Variants in KAZN observed in about 807,000 individuals in gnomAD.
KAZN encodes the protein kazrin, periplakin interacting protein.
KAZN carries 40 observed loss-of-function variants against 87.4 expected under a neutral mutation model. The ratio of observed to expected loss-of-function variants is 0.46; its 90% CI spans 0.36 to 0.60. The LOEUF is 0.60. Ranked by LOEUF, KAZN falls within the 20% of genes least tolerant of loss-of-function variation. The pLI is 0.00. For missense variants in KAZN, 898 were observed against 1,073.9 expected (o/e 0.84, Z 2.29); for synonymous variants, 466 against 458.3 (o/e 1.02, Z -0.22).
chr1:14,863,657 C>T (rs555008058), intron 1 of KAZN, among the ~76,000 whole-genome samples: 1 of 152,294 alleles, frequency 6.6e-6, no homozygotes, highest in Admixed American at 6.5e-5. Context: ...AAAATACCAT[C>T]CAAATCCCGT....
Position 15,094,789 on chromosome 1 carries a change from C to T in KAZN, c.1429-26C>T. The T allele has an allele frequency of 6.6e-7, 1 of 1,524,186 alleles. No individual in the cohort carries two copies. Among genetic ancestry groups the T allele is most frequent in the Non-Finnish European group, 8.9e-7 (1 of 1,124,140 alleles). The allele number at this position is 1,524,186 out of a possible 1,614,324, so 94.4% of individuals were successfully genotyped here. ...CCCCGCCGGCAGCTGTCCCAGCCCC[C>T]ATATGACACTCCCTCCCGGGGGCAG... On this transcript the variant is annotated intron_variant, in intron 9 of 14. Coordinates refer to ENST00000376030, the MANE Select transcript of KAZN (RefSeq NM_201628.3). This position sits in a 1 kb window ranked among gnomAD's most constrained non-coding sequence, Gnocchi z 4.5.
chr1:13,896,047 A>G (rs1639030520), intron 1 of KAZN, among the ~76,000 whole-genome samples: 3 of 151,828 alleles, frequency 2.0e-5, no homozygotes, highest in Non-Finnish European at 4.4e-5. Context: ...GCTACAGTGC[A>G]GTGGCATGAT....
intron 1 of KAZN, among the ~76,000 whole-genome samples, chr1:14,699,916 ACT>A (rs559642758): frequency 9.2e-4 from 140 of 152,272 alleles, no homozygotes; most frequent in African/African-American, 3.2e-3. Context: ...TTGGCCCGAC[ACT>A]CACTAGAGTG....
intron 1 of KAZN, among the ~76,000 whole-genome samples, chr1:14,915,491 G>C (rs970199285): frequency 6.6e-6 from 1 of 152,146 alleles, no homozygotes; most frequent in Admixed American, 6.5e-5. Flanking sequence ...ACGATTCCCA[G>C]AGCCAAGGGT....
At chr1:14,399,776 A>T (rs1040475910) in intron 2 of KAZN, among the ~76,000 whole-genome samples, 1 of 151,834 alleles carries the variant, frequency 6.6e-6, no homozygotes, top group Non-Finnish European at 1.5e-5. Flanking sequence ...GCTCGATGCC[A>T]TCTCTCAGGA....
At chr1:14,531,194 A>G (rs1416162910) in intron 2 of KAZN, among the ~76,000 whole-genome samples, 3 of 152,202 alleles carry the variant, frequency 2.0e-5, no homozygotes, top group African/African-American at 7.2e-5. Context: ...TACAGAGCCC[A>G]AGACTCAGCT....
chr1:14,374,269 A>G (rs746854980), intron 2 of KAZN, among the ~76,000 whole-genome samples: 4 of 152,196 alleles, frequency 2.6e-5, no homozygotes, highest in African/African-American at 4.8e-5. Flanking sequence ...CCAGGCAGTT[A>G]TGACAGCACT....
At chr1:14,552,262 A>T (rs1673578492) in intron 2 of KAZN, among the ~76,000 whole-genome samples, 1 of 152,118 alleles carries the variant, frequency 6.6e-6, no homozygotes, top group Non-Finnish European at 1.5e-5. Flanking sequence ...GAAGGAAGAG[A>T]TCTTGAGCGG....
chr1:15,099,639 G>T lies in KAZN; in HGVS notation c.1548-1904G>T, dbSNP rs983762582. 6.6e-6 allele frequency among the ~76,000 whole-genome samples: 1 copy of T among 152,186 alleles called. No homozygotes were observed. Among genetic ancestry groups the T allele is most frequent in the African/African-American group, 2.4e-5 (1 of 41,436 alleles). On this transcript the variant is annotated intron_variant, in intron 10 of 14. Coordinates refer to ENST00000376030, the MANE Select transcript of KAZN (RefSeq NM_201628.3). The surrounding 1 kb of genome is among the most constrained non-coding windows in gnomAD (Gnocchi z 5.4). ...GGAGGGGAAGTCAGCCAGGGCCAGT[G>T]CAGGTGACCCTTGTGGACCATTCAA...
At chr1:14,573,856 T>A (rs1188769658) in intron 2 of KAZN, among the ~76,000 whole-genome samples, 3 of 152,032 alleles carry the variant, frequency 2.0e-5, no homozygotes, top group Admixed American at 2.0e-4. Context: ...GGCATATGAA[T>A]AGTACCTGAA....
chr1:13,927,920 A>C (rs1220514503), intron 1 of KAZN, among the ~76,000 whole-genome samples: 1 of 152,178 alleles, frequency 6.6e-6, no homozygotes, highest in Non-Finnish European at 1.5e-5. Context: ...CATCCCAGGC[A>C]GGGGCAGGGC....
chr1:14,749,202 G>A (rs1475398434), intron 1 of KAZN, among the ~76,000 whole-genome samples: 4 of 152,122 alleles, frequency 2.6e-5, no homozygotes, highest in African/African-American at 9.7e-5. Context: ...TTCAGCCTCA[G>A]ACTCCTTCTC....
At chr1:13,908,724 G>A (rs1018588222) in intron 1 of KAZN, among the ~76,000 whole-genome samples, 8 of 152,192 alleles carry the variant, frequency 5.3e-5, no homozygotes, top group African/African-American at 1.7e-4. Flanking sequence ...GGTGGGGCCT[G>A]TACTTCCCTT....
intron 2 of KAZN, among the ~76,000 whole-genome samples, chr1:14,411,864 G>A (rs973613277): frequency 3.9e-5 from 6 of 152,190 alleles, no homozygotes; most frequent in African/African-American, 1.4e-4. Context: ...AAAAGTTCTG[G>A]TCTTTGTATT....
At chr1:14,095,826 G>A (rs1644115085) in intron 1 of KAZN, among the ~76,000 whole-genome samples, 1 of 152,098 alleles carries the variant, frequency 6.6e-6, no homozygotes, top group South Asian at 2.1e-4. Context: ...TGAAAATCAT[G>A]TTACTTATGC....
chr1:14,230,438 C>G (rs1044887554), intron 2 of KAZN, among the ~76,000 whole-genome samples: 3 of 152,162 alleles, frequency 2.0e-5, no homozygotes, highest in African/African-American at 4.8e-5. Flanking sequence ...TTATCTCCCC[C>G]ACTCCTTTTT....
At chr1:14,258,597 A>G (rs1216308081) in intron 2 of KAZN, among the ~76,000 whole-genome samples, 1 of 152,126 alleles carries the variant, frequency 6.6e-6, no homozygotes, top group African/African-American at 2.4e-5. Context: ...TTAATCTAGA[A>G]TCTATACCAG....
intron 6 of KAZN, chr1:15,060,580 C>T: frequency 2.2e-6 from 1 of 454,834 alleles, no homozygotes. Flanking sequence ...AACTCTGCCC[C>T]AGTGGGCCCT....
At chr1:14,003,649 A>C (rs912863648) in intron 1 of KAZN, among the ~76,000 whole-genome samples, 1 of 152,218 alleles carries the variant, frequency 6.6e-6, no homozygotes, top group African/African-American at 2.4e-5. Context: ...ATTTCAATAA[A>C]TGCTGCCAAG....
Sources: allele counts gnomAD v4.1 joint callset (sites outside exome capture counted in the v4.1 genomes callset), GRCh38; gene constraint gnomAD v4.1.1; non-coding constraint Gnocchi (gnomAD v3.1); transcripts MANE v1.5; gene names NCBI Gene and HGNC (gene_info 2026-07-23, HGNC 2026-07-21).